The following PTPN12 variants were observed in gnomAD, a reference collection of about 807,000 sequenced individuals.
PTPN12 encodes the protein protein tyrosine phosphatase non-receptor type 12, also known as tyrosine-protein phosphatase non-receptor type 12.
In PTPN12, 29 loss-of-function variants were observed where a neutral mutation model predicts 97.6. That is an observed-to-expected ratio of 0.30 (90% CI 0.22 to 0.41). The LOEUF (loss-of-function observed/expected upper bound fraction) is 0.41. PTPN12 is among the 10% of genes least tolerant of loss of function. The pLI is 1.00. For synonymous variants in PTPN12, 327 were observed against 300.4 expected, an observed-to-expected ratio of 1.09 and a Z score of -0.91; for missense variants, 819 against 926.0, an observed-to-expected ratio of 0.88 and a Z score of 1.50.
intron 11 of PTPN12, among the ~76,000 whole-genome samples, chr7:77,612,781 T>G (rs1241366736): frequency 6.6e-6 from 1 of 151,434 alleles, no homozygotes; most frequent in African/African-American, 2.4e-5. Flanking sequence ...TTTTTTTTGT[T>G]TTTTGGTTTT....
intron 1 of PTPN12, among the ~76,000 whole-genome samples, chr7:77,555,771 T>C (rs1045307862): frequency 6.6e-6 from 1 of 151,892 alleles, no homozygotes; most frequent in African/African-American, 2.4e-5. Flanking sequence ...AAAAATTAGC[T>C]GGGCGTGGTG....
At position 77,627,037 on chromosome 7, in the gene PTPN12, A is replaced by G. The variant is rs1272684376; in HGVS notation, c.1358A>G (p.Asn453Ser). Residue 453 changes from asparagine (N) to serine (S), a missense_variant, in exon 13 of 18, where the codon AAC becomes AGC. Asn to Ser is a conservative substitution (Grantham distance 46, BLOSUM62 1). Around this residue, in one of 5 missense-constraint regions of PTPN12, gnomAD observed 607 missense variants for 577.3 expected, o/e 1.05. Transcript: ENST00000248594. ...GAGGGACCAAAAAGTTTTGATGGGA[A>G]CACACTTTTGAATAGGGGACATGCA... ...LQEGPKSFDG[N>S]TLLNRGHAIK... 5 of 1,612,330 alleles carry G rather than the reference A, an allele frequency of 3.1e-6. No homozygotes were observed. The highest frequency in any genetic ancestry group is 1.1e-5 in the South Asian group (1 of 90,996).
At chr7:77,549,112 C>T (rs769877936) in intron 1 of PTPN12, among the ~76,000 whole-genome samples, 1 of 152,098 alleles carries the variant, frequency 6.6e-6, no homozygotes, top group Non-Finnish European at 1.5e-5. Flanking sequence ...AGAAAATAAC[C>T]AACTTGCCAG....
chr7:77,627,042 C>T lies in PTPN12; in HGVS notation c.1363C>T (p.Leu455Phe). The change falls in exon 13 of 18, where the codon CTT (leucine) becomes TTT (phenylalanine). Residue 455 changes from leucine (L) to phenylalanine (F), a missense_variant. By Grantham distance (22) the Leu-to-Phe change is conservative. This residue lies in a region of PTPN12 where 607 missense variants were observed against 577.3 expected (regional missense o/e 1.05). Coordinates refer to ENST00000248594, the MANE Select transcript of PTPN12 (RefSeq NM_002835.4). ...ACCAAAAAGTTTTGATGGGAACACACTTTTGAATAGGGGACATGCAATTAA... is the reference window on the plus strand; with the variant it reads ...ACCAAAAAGTTTTGATGGGAACACATTTTTGAATAGGGGACATGCAATTAA... ...EGPKSFDGNT[L>F]LNRGHAIKIK... 3.7e-6 allele frequency: 6 copies of T among 1,613,168 alleles called. No homozygotes were observed. In the South Asian group the frequency reaches 5.5e-5, roughly 15 times the overall value.
chr7:77,622,299 A>G (rs2151388290), intron 12 of PTPN12, among the ~76,000 whole-genome samples: 1 of 152,336 alleles, frequency 6.6e-6, no homozygotes, highest in Non-Finnish European at 1.5e-5. Flanking sequence ...AGAACTAGGA[A>G]TGACTGGGCA....
chr7:77,605,323 T>C (rs11763798), intron 8 of PTPN12, among the ~76,000 whole-genome samples: 39,885 of 151,508 alleles, frequency 0.26, 5,356 homozygotes, highest in Non-Finnish European at 0.28. Flanking sequence ...TAACATCTTA[T>C]AATTACTCAT....
chr7:77,548,189 T>G (rs1415421011), intron 1 of PTPN12, among the ~76,000 whole-genome samples: 1 of 152,214 alleles, frequency 6.6e-6, no homozygotes, highest in Non-Finnish European at 1.5e-5. Flanking sequence ...CTATCAGATA[T>G]GTTTAAAGTG....
intron 1 of PTPN12, among the ~76,000 whole-genome samples, chr7:77,570,204 A>G (rs1023354573): frequency 1.3e-5 from 2 of 152,222 alleles, no homozygotes; most frequent in Admixed American, 6.5e-5. Context: ...TTTCAAAGAA[A>G]AAGAAAGGTT....
chr7:77,544,555 T>C (rs1807130124), intron 1 of PTPN12, among the ~76,000 whole-genome samples: 1 of 152,246 alleles, frequency 6.6e-6, no homozygotes, highest in Admixed American at 6.5e-5. Context: ...CAATATTTGA[T>C]ATTTAACTTG....
chr7:77,564,746 G>GTTTTTTTGTTTTTTTTTTTTTTTTTT (rs1808165507), intron 1 of PTPN12, among the ~76,000 whole-genome samples: 4 of 45,370 alleles, frequency 8.8e-5, no homozygotes, highest in Non-Finnish European at 1.2e-4. Context: ...TTGTTGTCGT[G>GTTTTTTTGTTTTTTTTTTTTTTTTTT]TTTTTTTTTT....
In PTPN12 at chr7:77,583,693, T is replaced by C. The variant is rs747810226; in HGVS notation, c.381+43T>C. 31 of 1,237,456 alleles carry C rather than the reference T, an allele frequency of 2.5e-5. 1 individual carries two copies. The highest frequency in any genetic ancestry group is 2.8e-5 in the Non-Finnish European group (24 of 859,312). 76.7% of individuals were successfully genotyped at this position (1,237,456 alleles called of 1,614,324 possible). ...CACAATAAATTTTGAGAAATACTTA[T>C]GTAATAACATAGGCTATTTTACTGA... On this transcript the variant is annotated intron_variant, in intron 4 of 17. Transcript: ENST00000248594.
At position 77,549,226 on chromosome 7, in the gene PTPN12, T is replaced by G. The variant is rs1251807476; in HGVS notation, c.99+11581T>G. 3.9e-5 allele frequency among the ~76,000 whole-genome samples: 6 copies of G among 152,242 alleles called. No individual in the cohort carries two copies. The South Asian group carries it at 8.3e-4, about 21-fold the overall frequency. On this transcript the variant is annotated intron_variant, in intron 1 of 17. Transcript: ENST00000248594. ...GATGGCTTGATAACTAGGCGGGCAG[T>G]CCAAAGAGTGTCTAGTAGAGAATCC...
At chr7:77,592,820 T>G (rs986338978) in intron 6 of PTPN12, among the ~76,000 whole-genome samples, 8 of 151,292 alleles carry the variant, frequency 5.3e-5, no homozygotes, top group African/African-American at 1.9e-4. Context: ...AGCAAAAATC[T>G]GAGAAAATGA....
rs577557745 is a variant in PTPN12 at position 77,620,742 on chromosome 7, G to GT, written c.1025+2180dup. Reference sequence around the variant, plus strand: ...AGGCAGGCGGATCACAAGGTCAGGAGTTTAAGACCAGCCTGATCAATATGG... The same window carrying GT: ...AGGCAGGCGGATCACAAGGTCAGGAGTTTTAAGACCAGCCTGATCAATATGG... On this transcript the variant is annotated intron_variant, in intron 12 of 17. Transcript: ENST00000248594. 1.8e-3 allele frequency among the ~76,000 whole-genome samples: 269 copies of GT among 151,892 alleles called. 2 individuals are homozygous for GT. Among genetic ancestry groups the GT allele is most frequent in the African/African-American group, 6.1e-3 (253 of 41,414 alleles).
chr7:77,582,277 G>C (rs1787547221), intron 3 of PTPN12, among the ~76,000 whole-genome samples: 1 of 151,548 alleles, frequency 6.6e-6, no homozygotes, highest in Admixed American at 6.6e-5. Flanking sequence ...TTATAGGCGT[G>C]AGCCACTGCG....
intron 15 of PTPN12, chr7:77,636,813 C>G (rs550221059): frequency 4.6e-6 from 2 of 433,980 alleles, no homozygotes; most frequent in South Asian, 6.9e-5. Context: ...TTTCAGTGCT[C>G]ATCCAGAAAC....
At chr7:77,631,059 A>T (rs560646260) in intron 13 of PTPN12, among the ~76,000 whole-genome samples, 1 of 152,294 alleles carries the variant, frequency 6.6e-6, no homozygotes, top group South Asian at 2.1e-4. Flanking sequence ...TTAATTTAAG[A>T]AATGGTACCA....
intron 13 of PTPN12, among the ~76,000 whole-genome samples, chr7:77,630,937 C>A (rs1291081451): frequency 6.6e-6 from 1 of 152,140 alleles, no homozygotes; most frequent in African/African-American, 2.4e-5. Context: ...AAGGGCCACG[C>A]TTAGAAAATA....
chr7:77,638,820 C>A, intron 17 of PTPN12, 89 bp downstream of exon 17: 1 of 1,459,878 alleles, frequency 6.8e-7, no homozygotes, highest in Non-Finnish European at 9.0e-7. Flanking sequence ...TGACACTTGC[C>A]AAGAATAAAA....
Sources: gnomAD v4.1 joint callset for allele counts (sites outside exome capture counted in the v4.1 genomes callset) on GRCh38, gnomAD v4.1.1 for gene constraint, gnomAD v4.1.1 regional missense constraint, MANE v1.5 for transcripts, NCBI Gene and HGNC (gene_info 2026-07-23, HGNC 2026-07-21) for gene names.